Variants in GOLGA1 observed in about 807,000 individuals in gnomAD.
GOLGA1 encodes golgin subfamily A member 1.
In GOLGA1, 63 loss-of-function variants were observed where a neutral mutation model predicts 119.7. That is an observed-to-expected ratio of 0.53 (90% CI 0.43 to 0.65). GOLGA1 has a LOEUF of 0.65. Ranked by LOEUF, GOLGA1 falls within the 30% of genes least tolerant of loss-of-function variation. GOLGA1 has a pLI of 0.00. For synonymous variants in GOLGA1, 318 were observed against 333.4 expected (o/e 0.95, Z 0.50); for missense variants, 798 against 912.8 (o/e 0.87, Z 1.62).
chr9:124,946,080 TACC>T (rs1212326034), upstream of GOLGA1: 1 of 152,208 alleles, frequency 6.6e-6, no homozygotes, highest in African/African-American at 2.4e-5. This position sits in a 1 kb window ranked among gnomAD's most constrained non-coding sequence, Gnocchi z 4.0. Flanking sequence ...TACTTTTGAT[TACC>T]ACTACTGTCC....
rs766601647 is a variant in GOLGA1, at chr9:124,880,504, G to A, written c.*26C>T. The A allele has an allele frequency of 1.5e-5, 20 of 1,333,416 alleles. No homozygotes were observed. The highest frequency in any genetic ancestry group is 2.3e-5 in the South Asian group (2 of 85,468). The allele number at this position is 1,333,416 out of a possible 1,614,324, so 82.6% of individuals were successfully genotyped here. A position where few individuals can be genotyped will look rare whatever the true frequency, so the allele number is the denominator to read the frequency against. ...TTTCACAGAAAAAGTGTCAACCCAC[G>A]GAGCTCCATCCTTGGGTAGTCCCCT... is the stretch of plus-strand genomic sequence containing the variant. On this transcript the variant is annotated 3_prime_UTR_variant, in exon 23 of 23. Coordinates refer to ENST00000373555, the MANE Select transcript of GOLGA1 (RefSeq NM_002077.4).
chr9:124,935,662 C>T (rs960888934), intron 3 of GOLGA1, among the ~76,000 whole-genome samples: 2 of 148,718 alleles, frequency 1.3e-5, no homozygotes, highest in African/African-American at 2.5e-5. Context: ...CCAAGTGTGG[C>T]GGTGTGTGCC....
chr9:124,945,831 C>T (rs1831137072), upstream of GOLGA1: 1 of 152,014 alleles, frequency 6.6e-6, no homozygotes, highest in African/African-American at 2.4e-5. Context: ...TAGTATTAGG[C>T]TTTGAAATTC....
intron 10 of GOLGA1, among the ~76,000 whole-genome samples, chr9:124,918,349 T>C (rs1156923694): frequency 1.3e-5 from 2 of 152,184 alleles, no homozygotes; most frequent in South Asian, 4.1e-4. Context: ...GCCCAGCACA[T>C]AGTAAAGCTC....
At chr9:124,886,221 T>G in intron 19 of GOLGA1, among the ~76,000 whole-genome samples, 1 of 150,946 alleles carries the variant, frequency 6.6e-6, no homozygotes, top group African/African-American at 2.4e-5. Flanking sequence ...GGGAGGGGAG[T>G]CAGCTGCGCA....
Position 124,917,861 on chromosome 9 carries a change from T to TA in GOLGA1, c.843+3267_843+3268insT, listed in dbSNP as rs1564338493. Among the ~76,000 whole-genome samples, 257 of 151,072 alleles carry TA rather than the reference T, an allele frequency of 1.7e-3. 1 individual carries two copies. The highest frequency in any genetic ancestry group is 4.8e-3 in the African/African-American group (196 of 41,140). On this transcript the variant is annotated intron_variant, in intron 10 of 22. Coordinates refer to ENST00000373555, the MANE Select transcript of GOLGA1 (RefSeq NM_002077.4). Reference sequence around the variant, plus strand: ...GATCTGATCTGATATATATATATATTTTTTTTTTGAGACGGAGTTTCGCTC... The same window carrying TA: ...GATCTGATCTGATATATATATATATTATTTTTTTTGAGACGGAGTTTCGCTC...
At chr9:124,915,278 T>C (rs975215032) in intron 10 of GOLGA1, among the ~76,000 whole-genome samples, 6 of 152,156 alleles carry the variant, frequency 3.9e-5, no homozygotes, top group Admixed American at 1.3e-4. Context: ...ACCTGTAAAA[T>C]AGGAAAACAC....
intron 19 of GOLGA1, among the ~76,000 whole-genome samples, chr9:124,886,720 G>A (rs1056804262): frequency 2.0e-5 from 3 of 152,066 alleles, no homozygotes; most frequent in Non-Finnish European, 2.9e-5. Flanking sequence ...GGCGGCTGGC[G>A]TAGTGCTTGG....
At chr9:124,905,922 G>C (rs1036623280) in intron 12 of GOLGA1, among the ~76,000 whole-genome samples, 1 of 150,834 alleles carries the variant, frequency 6.6e-6, no homozygotes, top group African/African-American at 2.4e-5. Context: ...AGACCAGCCT[G>C]GCCAACATGA....
intron 14 of GOLGA1, among the ~76,000 whole-genome samples, chr9:124,899,060 G>A (rs971134280): frequency 6.6e-6 from 1 of 152,178 alleles, no homozygotes; most frequent in Non-Finnish European, 1.5e-5. Flanking sequence ...GCTGGCTGTG[G>A]TGGTGCACGC....
At chr9:124,936,537 C>T (rs2093816761) in intron 3 of GOLGA1, among the ~76,000 whole-genome samples, 1 of 151,822 alleles carries the variant, frequency 6.6e-6, no homozygotes, top group African/African-American at 2.4e-5. Context: ...AACTCCTGGG[C>T]TCAAGCGATC....
At chr9:124,939,594 C>G (rs528151830) in intron 2 of GOLGA1, among the ~76,000 whole-genome samples, 127 of 91,600 alleles carry the variant, frequency 1.4e-3, no homozygotes, top group African/African-American at 5.4e-3. Context: ...TGGAGTTTCG[C>G]TCTTGTTGCC....
intron 10 of GOLGA1, among the ~76,000 whole-genome samples, chr9:124,913,368 C>A (rs1830376902): frequency 6.6e-6 from 1 of 152,166 alleles, no homozygotes; most frequent in African/African-American, 2.4e-5. Flanking sequence ...GCCCATTCTT[C>A]CCCAGAAAAG....
chr9:124,899,345 G>A lies in GOLGA1; in HGVS notation c.1295C>T (p.Thr432Ile). The A allele has an allele frequency of 6.5e-7, 1 of 1,549,138 alleles. No homozygotes were observed. The highest frequency in any genetic ancestry group is 8.7e-7 in the Non-Finnish European group (1 of 1,146,754). ...LERTRAADQT[T>I]AEQGMRQLEQ... ...TTCACTCACCATCCCTTGCTCTGCG[G>A]TGGTCTGGTCAGCTGCCCGCGTTCT... is the stretch of plus-strand genomic sequence containing the variant. The change falls in exon 14 of 23, where the codon ACC (threonine) becomes ATC (isoleucine). Residue 432 changes from threonine (T) to isoleucine (I), a missense_variant. Transcript: ENST00000373555.
rs1024496778 is a variant in GOLGA1 at position 124,888,951 on chromosome 9, G to A, written c.1761+192C>T. Among the ~76,000 whole-genome samples, 5 of 152,104 alleles carry A rather than the reference G, an allele frequency of 3.3e-5. No homozygotes were observed. Among genetic ancestry groups the A allele is most frequent in the Admixed American group, 6.6e-5 (1 of 15,262 alleles). On this transcript the variant is annotated intron_variant, in intron 18 of 22. Transcript: ENST00000373555. This position sits in a 1 kb window ranked among gnomAD's most constrained non-coding sequence, Gnocchi z 4.4. ...CCTGAACTCGTGATCCACCCGCCTCGGCCTCCCAAAGTGCTGGGATTACAG... is the reference window on the plus strand; with the variant it reads ...CCTGAACTCGTGATCCACCCGCCTCAGCCTCCCAAAGTGCTGGGATTACAG...
chr9:124,928,249 A>G lies in GOLGA1; in HGVS notation c.338T>C (p.Phe113Ser). 1 of 1,608,090 alleles carries G rather than the reference A, an allele frequency of 6.2e-7. No individual in the cohort carries two copies. The highest frequency in any genetic ancestry group is 8.5e-7 in the Non-Finnish European group (1 of 1,175,142). ...TGCCATTTTGGCTCTGTTGGCTTGG[A>G]ATGTCTCATTCTGCTCTTGAAATTT... ...MRKFQEQNET[F>S]QANRAKMAEG... Residue 113 changes from phenylalanine to serine, a missense_variant, in exon 6 of 23, where the codon TTC (phenylalanine) becomes TCC (serine). Coordinates refer to ENST00000373555, the MANE Select transcript of GOLGA1 (RefSeq NM_002077.4).
chr9:124,899,516 ATGGTTTCCAG>A, intron 13 of GOLGA1, 38 bp from the exon 14 acceptor site: 1 of 1,533,342 alleles, frequency 6.5e-7, no homozygotes, highest in Non-Finnish European at 8.8e-7. Context: ...CAGGGTGACA[ATGGTTTCCAG>A]TGGGGGATCT....
In GOLGA1 at chr9:124,878,322, A is replaced by G. The variant is rs1396491012; in HGVS notation, c.*2208T>C. ...GAGACACAAAATACCAGATTTAATG[A>G]GTCAAAGAAATACTGACACACCAAA... On this transcript the variant is annotated 3_prime_UTR_variant, in exon 23 of 23. Transcript: ENST00000373555. 1.3e-5 allele frequency: 2 copies of G among 152,310 alleles called. No individual in the cohort carries two copies. The highest frequency in any genetic ancestry group is 2.9e-5 in the Non-Finnish European group (2 of 68,042). 9.4% of individuals were successfully genotyped at this position (152,310 alleles called of 1,614,324 possible). A position where few individuals can be genotyped will look rare whatever the true frequency, so the allele number is the denominator to read the frequency against.
intron 3 of GOLGA1, among the ~76,000 whole-genome samples, chr9:124,934,085 A>C (rs1165489601): frequency 6.6e-6 from 1 of 152,206 alleles, no homozygotes; most frequent in African/African-American, 2.4e-5. Flanking sequence ...TACTTTAATA[A>C]AGGTAGATAC....
Sources: allele counts gnomAD v4.1 joint callset (sites outside exome capture counted in the v4.1 genomes callset), GRCh38; gene constraint gnomAD v4.1.1; non-coding constraint Gnocchi (gnomAD v3.1); transcripts MANE v1.5; gene names NCBI Gene and HGNC (gene_info 2026-07-23, HGNC 2026-07-21).